Variants in ERC1 observed in about 807,000 individuals in gnomAD.
The protein encoded by ERC1 is RAB6 interacting protein 2.
ERC1 carries 56 observed loss-of-function variants against 132.0 expected under a neutral mutation model. That is an observed-to-expected ratio of 0.42 (90% CI 0.34 to 0.53). The LOEUF (loss-of-function observed/expected upper bound fraction) is 0.53. Ranked by LOEUF, ERC1 falls within the 20% of genes least tolerant of loss-of-function variation. The probability of loss-of-function intolerance (pLI) is 0.03; values close to 1 mark genes in which losing one functional copy is unlikely to be tolerated. For synonymous variants in ERC1, 478 were observed against 476.1 expected, an observed-to-expected ratio of 1.00 and a Z score of -0.05; for missense variants, 1,202 against 1,349.9, an observed-to-expected ratio of 0.89 and a Z score of 1.72.
chr12:1,249,488 G>A lies in ERC1; in HGVS notation c.2487+12584G>A, dbSNP rs184846210. On this transcript the variant is annotated intron_variant, in intron 13 of 18. Transcript: ENST00000360905. ...CCTTCTGTTGTAATTTCATTAGTTTGTTTCTGCATTGATTTGGGGATTATT... is the reference window on the plus strand; with the variant it reads ...CCTTCTGTTGTAATTTCATTAGTTTATTTCTGCATTGATTTGGGGATTATT... 1.7e-3 allele frequency among the ~76,000 whole-genome samples: 255 copies of A among 152,216 alleles called. 1 individual carries two copies. The highest frequency in any genetic ancestry group is 4.6e-3 in the Admixed American group (71 of 15,296).
At chr12:1,418,430 A>G (rs1383942830) in intron 17 of ERC1, among the ~76,000 whole-genome samples, 1 of 152,192 alleles carries the variant, frequency 6.6e-6, no homozygotes, top group Non-Finnish European at 1.5e-5. Context: ...AGAGGAACAC[A>G]AAGAACAACA....
intron 18 of ERC1, among the ~76,000 whole-genome samples, chr12:1,477,676 A>G (rs985340473): frequency 2.0e-5 from 3 of 152,340 alleles, no homozygotes; most frequent in African/African-American, 7.2e-5. Context: ...AATCCTATGT[A>G]TATAGCTGAA....
At chr12:1,115,726 T>C in intron 6 of ERC1, 140 bp from the exon 7 acceptor site, 1 of 686,620 alleles carries the variant, frequency 1.5e-6, no homozygotes. Flanking sequence ...GGTTATGTCA[T>C]GCAAAAAGAT....
chr12:1,140,225 C>T (rs971469262), intron 7 of ERC1, among the ~76,000 whole-genome samples: 1 of 152,110 alleles, frequency 6.6e-6, no homozygotes, highest in African/African-American at 2.4e-5. Context: ...TTATAGCAGT[C>T]TCCAATGAGA....
At chr12:1,459,999 T>G (rs61913157) in intron 18 of ERC1, among the ~76,000 whole-genome samples, 359 of 152,334 alleles carry the variant, frequency 2.4e-3, no homozygotes, top group Middle Eastern at 6.8e-3. Flanking sequence ...GAGAATTAAT[T>G]AATGAATGAT....
rs879813718 is a variant in ERC1 at position 1,007,487 on chromosome 12, TCTC to T, written c.-157+16166_-157+16168del. 4.8e-3 allele frequency among the ~76,000 whole-genome samples: 688 copies of T among 144,324 alleles called. 3 individuals carry two copies. The highest frequency in any genetic ancestry group is 7.2e-3 in the Non-Finnish European group (490 of 67,648). 94.7% of individuals were successfully genotyped at this position (144,324 alleles called of 152,430 possible). The stretch of plus-strand genomic sequence containing the variant: ...CTCTCTCTCTCTCTCTCTCTCTCTC[TCTC>T]TCTTTCTCTCTCTCTCACTGGGTAA... On this transcript the variant is annotated intron_variant, in intron 1 of 18. Coordinates refer to ENST00000360905, the MANE Select transcript of ERC1 (RefSeq NM_178040.4).
intron 17 of ERC1, among the ~76,000 whole-genome samples, chr12:1,440,467 A>C (rs1318408816): frequency 6.7e-6 from 1 of 149,024 alleles, no homozygotes; most frequent in South Asian, 2.1e-4. Flanking sequence ...TGGCCTCCCA[A>C]AGTGCTGCGA....
intron 15 of ERC1, among the ~76,000 whole-genome samples, chr12:1,358,969 AG>A (rs1324936767): frequency 6.6e-6 from 1 of 152,234 alleles, no homozygotes. Context: ...GACAAAGATA[AG>A]AGTTTGCTTC....
rs1353780434 is a variant in ERC1, at chr12:1,012,498, GA to G, written c.-156-15249del. ...TTTTTTTTTTTTTTTTTTTGAGACAGAGTCTTGCTCTGTCAACAGGCTGGAG... is the reference window on the plus strand; with the variant it reads ...TTTTTTTTTTTTTTTTTTTGAGACAGGTCTTGCTCTGTCAACAGGCTGGAG... On this transcript the variant is annotated intron_variant, in intron 1 of 18. Coordinates refer to ENST00000360905, the MANE Select transcript of ERC1 (RefSeq NM_178040.4). Among the ~76,000 whole-genome samples, 3 of 129,720 alleles carry G rather than the reference GA, an allele frequency of 2.3e-5. No individual in the cohort carries two copies. The East Asian group carries it at 6.7e-4, about 29-fold the overall frequency. The allele number at this position is 129,720 out of a possible 152,430, so 85.1% of individuals were successfully genotyped here. A position where few individuals can be genotyped will look rare whatever the true frequency, so the allele number is the denominator to read the frequency against.
At chr12:1,476,817 A>C (rs2093983476) in intron 18 of ERC1, among the ~76,000 whole-genome samples, 1 of 152,256 alleles carries the variant, frequency 6.6e-6, no homozygotes, top group African/African-American at 2.4e-5. Context: ...GGAAAATGTA[A>C]TACATTAATA....
At chr12:1,361,417 A>G (rs1482181730) in intron 15 of ERC1, among the ~76,000 whole-genome samples, 4 of 151,464 alleles carry the variant, frequency 2.6e-5, no homozygotes, top group Non-Finnish European at 2.9e-5. Flanking sequence ...ATAATTAAAC[A>G]TAAAAAAATA....
intron 1 of ERC1, among the ~76,000 whole-genome samples, chr12:1,003,954 C>T (rs528484464): frequency 3.9e-5 from 6 of 152,318 alleles, no homozygotes; most frequent in Non-Finnish European, 5.9e-5. Context: ...TATTCTACAG[C>T]GCTGTTCTAA....
intron 10 of ERC1, 74 bp downstream of exon 10, chr12:1,182,139 T>A: frequency 7.2e-7 from 1 of 1,398,018 alleles, no homozygotes; most frequent in African/African-American, 1.4e-5. Context: ...GTTTACATAA[T>A]GCATATAAAA....
chr12:1,345,475 G>T (rs1034011545), intron 15 of ERC1, among the ~76,000 whole-genome samples: 31 of 152,088 alleles, frequency 2.0e-4, no homozygotes, highest in Non-Finnish European at 2.2e-4. Flanking sequence ...GAGCCACCAC[G>T]CCTGGCCAGA....
intron 13 of ERC1, among the ~76,000 whole-genome samples, chr12:1,259,520 C>CTTTCCT (rs749136473): frequency 8.8e-6 from 1 of 113,908 alleles, no homozygotes; most frequent in African/African-American, 3.3e-5. Flanking sequence ...TTCTTTCTTT[C>CTTTCCT]TTTTTTTTTT....
At chr12:1,037,527 G>A (rs1050164419) in intron 2 of ERC1, among the ~76,000 whole-genome samples, 4 of 152,288 alleles carry the variant, frequency 2.6e-5, no homozygotes, top group Admixed American at 6.5e-5. Context: ...TATAGGAGGT[G>A]CTTAGAAACC....
At chr12:1,210,933 T>C (rs1045195054) in intron 12 of ERC1, among the ~76,000 whole-genome samples, 1 of 151,252 alleles carries the variant, frequency 6.6e-6, no homozygotes, top group Non-Finnish European at 1.5e-5. Context: ...AGGTAGAGGT[T>C]GCAGTGAGCT....
At chr12:1,260,259 T>A (rs1197685046) in intron 13 of ERC1, among the ~76,000 whole-genome samples, 2 of 152,218 alleles carry the variant, frequency 1.3e-5, no homozygotes, top group Non-Finnish European at 2.9e-5. Context: ...ACTCAAATTG[T>A]CTTCTACTTT....
At chr12:1,173,529 A>G (rs1953319467) in intron 8 of ERC1, among the ~76,000 whole-genome samples, 1 of 152,188 alleles carries the variant, frequency 6.6e-6, no homozygotes, top group South Asian at 2.1e-4. Context: ...ATGTTCTAGT[A>G]TGTGCATAAT....
Sources: allele counts gnomAD v4.1 joint callset (sites outside exome capture counted in the v4.1 genomes callset), GRCh38; gene constraint gnomAD v4.1.1; transcripts MANE v1.5; gene names NCBI Gene and HGNC (gene_info 2026-07-23, HGNC 2026-07-21).